Variants in ERI1 observed in about 807,000 individuals in gnomAD.
ERI1 encodes 3'-5' exoribonuclease 1.
In ERI1, 39 loss-of-function variants were observed where a neutral mutation model predicts 39.7. That is an observed-to-expected ratio of 0.98 (90% CI 0.76 to 1.28). The LOEUF is 1.28. ERI1 is among the 50% of genes most tolerant of loss of function. ERI1 has a pLI of 0.00. For missense variants in ERI1, 581 were observed against 416.9 expected, an observed-to-expected ratio of 1.39 and a Z score of -3.43; for synonymous variants, 204 against 149.6, an observed-to-expected ratio of 1.36 and a Z score of -2.65.
intron 3 of ERI1, among the ~76,000 whole-genome samples, chr8:9,074,545 A>C (rs957528556): frequency 1.3e-5 from 2 of 152,140 alleles, no homozygotes; most frequent in African/African-American, 4.8e-5. Context: ...GGGCTCAAGC[A>C]ATTCTCTGGC....
intron 3 of ERI1, among the ~76,000 whole-genome samples, chr8:9,014,309 C>T (rs1266310794): frequency 6.6e-6 from 1 of 152,288 alleles, no homozygotes; most frequent in East Asian, 1.9e-4. Context: ...TCTCTCCCTC[C>T]CTCCCGTTTT....
downstream of ERI1, among the ~76,000 whole-genome samples, chr8:9,035,399 A>T (rs1429350857): frequency 1.3e-5 from 2 of 152,216 alleles, no homozygotes; most frequent in East Asian, 3.9e-4. Flanking sequence ...TTTAAGTTGA[A>T]GTCAGTGTTC....
chr8:9,005,437 C>G (rs73522596), intron 1 of ERI1, among the ~76,000 whole-genome samples: 2,162 of 151,624 alleles, frequency 0.014, 57 homozygotes, highest in African/African-American at 0.049. Flanking sequence ...AAGAAGAGGA[C>G]AGCAATTATA....
intron 3 of ERI1, among the ~76,000 whole-genome samples, chr8:9,051,518 A>C (rs538361050): frequency 1.6e-4 from 25 of 152,168 alleles, no homozygotes; most frequent in African/African-American, 4.6e-4. Context: ...TAAGCAGGGC[A>C]TGGTAGCATG....
intron 2 of ERI1, among the ~76,000 whole-genome samples, chr8:9,010,329 T>TA (rs376655586): frequency 6.6e-6 from 1 of 151,956 alleles, no homozygotes; most frequent in East Asian, 1.9e-4. Context: ...AATAAAAAGA[T>TA]AAAAAAAGAA....
intron 1 of ERI1, among the ~76,000 whole-genome samples, chr8:9,006,952 A>C (rs1367069098): frequency 6.6e-6 from 1 of 152,236 alleles, no homozygotes; most frequent in Non-Finnish European, 1.5e-5. Context: ...ATCTATAATT[A>C]CAGTTTACGT....
chr8:9,004,215 C>CG (rs1815707733), intron 1 of ERI1: 1 of 1,273,656 alleles, frequency 7.9e-7, no homozygotes, highest in African/African-American at 1.5e-5. Context: ...TCAAAGAGTA[C>CG]TTGCACATCC....
intron 3 of ERI1, among the ~76,000 whole-genome samples, chr8:9,070,918 C>T (rs569677178): frequency 2.7e-4 from 41 of 152,300 alleles, no homozygotes; most frequent in South Asian, 8.3e-4. Context: ...CCCCAGGTGG[C>T]AGGGTTGGGA....
chr8:9,013,648 A>G (rs962521037), intron 3 of ERI1, among the ~76,000 whole-genome samples: 1 of 152,096 alleles, frequency 6.6e-6, no homozygotes, highest in African/African-American at 2.4e-5. Flanking sequence ...AACCCGTTCC[A>G]AATCCAGATT....
chr8:9,011,607 AAG>A lies in ERI1; in HGVS notation c.358_359del (p.Ser120GlnfsTer4). On this transcript the variant is annotated frameshift_variant, in exon 3 of 7. Coordinates refer to ENST00000250263, the MANE Select transcript of ERI1 (RefSeq NM_153332.4). LOFTEE classifies it high-confidence loss of function. ...TATAAGAAGCAGAAGCTGATGCTGA[AAG>A]AGAGCAATTTTGCTGACAGTTATTA... The A allele has an allele frequency of 1.9e-6, 3 of 1,613,628 alleles. No individual in the cohort carries two copies. Among genetic ancestry groups the A allele is most frequent in the Non-Finnish European group, 2.5e-6 (3 of 1,179,670 alleles).
chr8:9,032,895 T>G lies in ERI1; in HGVS notation c.*2861T>G, dbSNP rs543928593. Reference sequence around the variant, plus strand: ...ATTGTCAAAGTCTGAGAAGGATGTATTGTACTTTGAAGGAAGACTTTCCAT... The same window carrying G: ...ATTGTCAAAGTCTGAGAAGGATGTAGTGTACTTTGAAGGAAGACTTTCCAT... On this transcript the variant is annotated 3_prime_UTR_variant, in exon 7 of 7. Transcript: ENST00000250263. 6.6e-6 allele frequency: 1 copy of G among 152,322 alleles called. No homozygotes were observed. The highest frequency in any genetic ancestry group is 2.4e-5 in the African/African-American group (1 of 41,582). 9.4% of individuals were successfully genotyped at this position (152,322 alleles called of 1,614,324 possible).
intron 6 of ERI1, among the ~76,000 whole-genome samples, chr8:9,021,123 G>A (rs1817842881): frequency 6.6e-6 from 1 of 152,036 alleles, no homozygotes; most frequent in African/African-American, 2.4e-5. Flanking sequence ...AGAGCACTCA[G>A]TGTTCATACT....
At position 9,030,098 on chromosome 8, in the gene ERI1, A is replaced by T. The variant is rs1797481854; in HGVS notation, c.*64A>T. ...TATGAAGAGGTAGCAGATGAATCTC[A>T]TTGAATTAGTCCTGTAGTGCAAACT... On this transcript the variant is annotated 3_prime_UTR_variant, in exon 7 of 7. Coordinates refer to ENST00000250263, the MANE Select transcript of ERI1 (RefSeq NM_153332.4). 1 of 1,590,366 alleles carries T rather than the reference A, an allele frequency of 6.3e-7. No individual in the cohort carries two copies. Among genetic ancestry groups the T allele is most frequent in the Non-Finnish European group, 8.6e-7 (1 of 1,162,952 alleles).
At chr8:9,006,085 A>G (rs1403342853) in intron 1 of ERI1, among the ~76,000 whole-genome samples, 1 of 152,238 alleles carries the variant, frequency 6.6e-6, no homozygotes, top group African/African-American at 2.4e-5. Flanking sequence ...AAATGTAAGT[A>G]TGTATTTCGT....
chr8:9,096,714 T>TTC (rs2117493492), intron 3 of ERI1: 2 of 73,562 alleles, frequency 2.7e-5, no homozygotes, highest in African/African-American at 1.2e-4. Flanking sequence ...CCATCTTTTT[T>TTC]TTTTTTTTTT....
At chr8:9,018,182 A>G (rs749474274) in intron 4 of ERI1, 115 bp from the exon 5 acceptor site, 11 of 529,826 alleles carry the variant, frequency 2.1e-5, no homozygotes, top group Non-Finnish European at 3.8e-5. Context: ...CCATGAATTT[A>G]AAGTATCAGC....
chr8:9,063,132 C>T (rs1018853972), intron 3 of ERI1, among the ~76,000 whole-genome samples: 3 of 152,032 alleles, frequency 2.0e-5, no homozygotes, highest in Admixed American at 6.5e-5. Flanking sequence ...ATTTTTGGAG[C>T]TTTATTTAAT....
chr8:9,043,679 C>G (rs540098410), intron 3 of ERI1, among the ~76,000 whole-genome samples: 8 of 152,168 alleles, frequency 5.3e-5, no homozygotes, highest in Non-Finnish European at 1.0e-4. Flanking sequence ...AGTCCAGTGA[C>G]ACACTATCCA....
At position 9,059,038 on chromosome 8, in the gene ERI1, C is replaced by T. The variant is rs189225874; in HGVS notation, n.299+38574C>T. Among the ~76,000 whole-genome samples the T allele has an allele frequency of 1.4e-4, 22 of 151,728 alleles. No individual in the cohort carries two copies. The East Asian group carries it at 4.3e-3, about 29-fold the overall frequency. On this transcript the variant is annotated intron_variant and non_coding_transcript_variant, in intron 3 of 3. Coordinates refer to the ERI1 transcript ENST00000518663. ...CAGCGAAGGGAGATAGGGGTGGGGC[C>T]GTTTTATAGGATTTGGGTAGGTAAA...
Sources: gnomAD v4.1 joint callset for allele counts (sites outside exome capture counted in the v4.1 genomes callset) on GRCh38, gnomAD v4.1.1 for gene constraint, MANE v1.5 for transcripts, NCBI Gene and HGNC (gene_info 2026-07-23, HGNC 2026-07-21) for gene names.